Variants in RAPGEF4 observed in about 807,000 individuals in gnomAD.
RAPGEF4 encodes the protein RAP guanine-nucleotide-exchange factor (GEF) 4.
RAPGEF4 carries 66 observed loss-of-function variants against 147.9 expected under a neutral mutation model. That is an observed-to-expected ratio of 0.45 (90% CI 0.37 to 0.55). The LOEUF (loss-of-function observed/expected upper bound fraction) is 0.55. Among genes scored for constraint, RAPGEF4 ranks in the 20% least tolerant of loss-of-function variants. The probability of loss-of-function intolerance (pLI) is 0.00; values close to 1 mark genes in which losing one functional copy is unlikely to be tolerated. For synonymous variants in RAPGEF4, 419 were observed against 442.7 expected, an observed-to-expected ratio of 0.95 and a Z score of 0.67; for missense variants, 1,071 against 1,257.3, an observed-to-expected ratio of 0.85 and a Z score of 2.24.
At chr2:172,757,510 T>C (rs1330699956) in intron 1 of RAPGEF4, among the ~76,000 whole-genome samples, 4 of 152,226 alleles carry the variant, frequency 2.6e-5, no homozygotes, top group Non-Finnish European at 5.9e-5. Flanking sequence ...TTGCTTGCCC[T>C]TTAGGTTTCC....
chr2:173,030,506 T>TA (rs1476737758), intron 26 of RAPGEF4, among the ~76,000 whole-genome samples: 1 of 152,200 alleles, frequency 6.6e-6, no homozygotes, highest in Non-Finnish European at 1.5e-5. Context: ...GCAATGTAAA[T>TA]AAAAATAAGT....
chr2:173,039,442 GAGA>G (rs910336761), intron 29 of RAPGEF4, among the ~76,000 whole-genome samples: 2 of 151,198 alleles, frequency 1.3e-5, no homozygotes, highest in African/African-American at 4.9e-5. Flanking sequence ...TCCAGCCTGG[GAGA>G]CAGCGAGACT....
intron 12 of RAPGEF4, among the ~76,000 whole-genome samples, chr2:172,987,922 T>C (rs934909912): frequency 6.6e-6 from 1 of 152,242 alleles, no homozygotes; most frequent in Non-Finnish European, 1.5e-5. Context: ...GGAAGAAATG[T>C]GTATGGCTTT....
rs573343939 is a variant in RAPGEF4, at chr2:172,806,744, A to G, written c.298-7535A>G. On this transcript the variant is annotated intron_variant, in intron 3 of 30. Coordinates refer to ENST00000397081, the MANE Select transcript of RAPGEF4 (RefSeq NM_007023.4). Reference sequence around the variant, plus strand: ...GGTCATCACTTAATTTCATCCCCTCATCTATCACTGTGAAATTATCTGGCA... The same window carrying G: ...GGTCATCACTTAATTTCATCCCCTCGTCTATCACTGTGAAATTATCTGGCA... Among the ~76,000 whole-genome samples the G allele has an allele frequency of 1.1e-4, 16 of 152,308 alleles. No individual in the cohort carries two copies. In the South Asian group the frequency reaches 2.9e-3, roughly 28 times the overall value.
At chr2:173,002,767 AGGT>A (rs1258745809) in intron 17 of RAPGEF4, among the ~76,000 whole-genome samples, 1 of 152,136 alleles carries the variant, frequency 6.6e-6, no homozygotes, top group Admixed American at 6.5e-5. Flanking sequence ...TTTGAGTTGA[AGGT>A]GCAACTCAGA....
chr2:172,794,676 G>A (rs1416323092), intron 1 of RAPGEF4, among the ~76,000 whole-genome samples: 1 of 152,026 alleles, frequency 6.6e-6, no homozygotes, highest in Non-Finnish European at 1.5e-5. Flanking sequence ...GCCCCTGCAG[G>A]CATTTGTGTT....
intron 17 of RAPGEF4, among the ~76,000 whole-genome samples, chr2:173,001,838 G>T (rs4972523): frequency 6.6e-6 from 1 of 150,992 alleles, no homozygotes. Flanking sequence ...GACACGAGGG[G>T]TCCACCCCCA....
At chr2:172,844,328 C>A (rs755986246) in intron 4 of RAPGEF4, among the ~76,000 whole-genome samples, 1 of 152,188 alleles carries the variant, frequency 6.6e-6, no homozygotes, top group African/African-American at 2.4e-5. Flanking sequence ...TAAGCCTCTT[C>A]GGCCTCTGGT....
intron 10 of RAPGEF4, among the ~76,000 whole-genome samples, chr2:172,974,403 G>C (rs1246168595): frequency 6.6e-6 from 1 of 152,170 alleles, no homozygotes; most frequent in Non-Finnish European, 1.5e-5. Flanking sequence ...TTCTTACAAG[G>C]CTGGGTGTGG....
At chr2:173,004,128 C>T (rs568359540) in intron 17 of RAPGEF4, among the ~76,000 whole-genome samples, 24 of 152,242 alleles carry the variant, frequency 1.6e-4, no homozygotes, top group South Asian at 1.2e-3. Context: ...GCTACTGACA[C>T]GTATTTCTGT....
At chr2:172,925,807 AAGAG>A (rs1196249327) in intron 6 of RAPGEF4, among the ~76,000 whole-genome samples, 4 of 142,046 alleles carry the variant, frequency 2.8e-5, no homozygotes, top group Admixed American at 2.2e-4. Flanking sequence ...GAAAGAAAGA[AAGAG>A]AGAGAGAAAG....
chr2:172,856,258 T>C (rs2149756142), intron 4 of RAPGEF4, among the ~76,000 whole-genome samples: 1 of 152,322 alleles, frequency 6.6e-6, no homozygotes, highest in East Asian at 1.9e-4. Flanking sequence ...ATTCAGTGAA[T>C]TTTTTTCAGA....
intron 1 of RAPGEF4, 151 bp downstream of exon 1, chr2:172,736,199 G>A (rs573544606): frequency 2.2e-6 from 1 of 444,516 alleles, no homozygotes; most frequent in South Asian, 7.1e-5. Flanking sequence ...CCTCGTCCGG[G>A]AGACAGGAGG....
At chr2:172,807,982 T>C (rs530648173) in intron 3 of RAPGEF4, among the ~76,000 whole-genome samples, 1 of 152,366 alleles carries the variant, frequency 6.6e-6, no homozygotes, top group South Asian at 2.1e-4. Flanking sequence ...TAGATGTACT[T>C]ACCACAGAGA....
chr2:172,879,015 T>C (rs1228130325), intron 4 of RAPGEF4, among the ~76,000 whole-genome samples: 1 of 152,202 alleles, frequency 6.6e-6, no homozygotes, highest in African/African-American at 2.4e-5. Context: ...ATCAAAATTT[T>C]AAATGCACAC....
chr2:172,842,060 A>C (rs900814076), intron 4 of RAPGEF4, among the ~76,000 whole-genome samples: 3 of 152,176 alleles, frequency 2.0e-5, no homozygotes, highest in Non-Finnish European at 4.4e-5. Flanking sequence ...AAAATTATTC[A>C]TCCAGCAAGT....
intron 4 of RAPGEF4, among the ~76,000 whole-genome samples, chr2:172,907,848 A>G (rs1699773320): frequency 6.6e-6 from 1 of 152,178 alleles, no homozygotes; most frequent in Non-Finnish European, 1.5e-5. Context: ...ACTATCCAGA[A>G]CCATTTACTA....
chr2:172,987,751 G>A (rs1391385634), intron 12 of RAPGEF4, among the ~76,000 whole-genome samples: 1 of 152,202 alleles, frequency 6.6e-6, no homozygotes, highest in Non-Finnish European at 1.5e-5. Flanking sequence ...ATCCTTGGGA[G>A]GTCCTGGCAC....
intron 1 of RAPGEF4, among the ~76,000 whole-genome samples, chr2:172,749,344 A>T (rs914517108): frequency 1.3e-5 from 2 of 152,232 alleles, no homozygotes; most frequent in African/African-American, 4.8e-5. Context: ...AAAATCTAGG[A>T]GGAAGTTTCC....
Sources: allele counts gnomAD v4.1 joint callset (sites outside exome capture counted in the v4.1 genomes callset), GRCh38; gene constraint gnomAD v4.1.1; transcripts MANE v1.5; gene names NCBI Gene and HGNC (gene_info 2026-07-23, HGNC 2026-07-21).